Variants in MAPK10 observed in about 807,000 individuals in gnomAD.
The protein encoded by MAPK10 is JNK3 alpha protein kinase.
Under a neutral mutation model 59.3 loss-of-function variants are expected in MAPK10, and 25 were observed. The observed-to-expected ratio is 0.42, with a 90% confidence interval of 0.31 to 0.59. The LOEUF (loss-of-function observed/expected upper bound fraction) is 0.59. Ranked by LOEUF, MAPK10 falls within the 20% of genes least tolerant of loss-of-function variation. MAPK10 has a pLI of 0.15. For missense variants in MAPK10, 351 were observed against 568.9 expected, an observed-to-expected ratio of 0.62 and a Z score of 3.90; for synonymous variants, 190 against 200.5, an observed-to-expected ratio of 0.95 and a Z score of 0.44.
At chr4:86,558,131 T>C (rs1236926715) in intron 1 of MAPK10, among the ~76,000 whole-genome samples, 2 of 152,166 alleles carry the variant, frequency 1.3e-5, no homozygotes, top group East Asian at 1.9e-4. Flanking sequence ...TAACTGGCCA[T>C]AATTTTAATT....
intron 1 of MAPK10, among the ~76,000 whole-genome samples, chr4:86,540,760 C>A (rs1272981078): frequency 7.1e-6 from 1 of 141,608 alleles, no homozygotes; most frequent in African/African-American, 2.5e-5. Flanking sequence ...TAGGAAAAGT[C>A]CCTGAGGGGA....
intron 1 of MAPK10, among the ~76,000 whole-genome samples, chr4:86,503,152 C>T (rs923509412): frequency 1.9e-4 from 29 of 152,134 alleles, no homozygotes; most frequent in African/African-American, 6.3e-4. Flanking sequence ...CAAACAAACT[C>T]ATTCTGTTCC....
chr4:86,541,214 CAT>C (rs1758670297), intron 1 of MAPK10, among the ~76,000 whole-genome samples: 1 of 152,124 alleles, frequency 6.6e-6, no homozygotes, highest in African/African-American at 2.4e-5. Context: ...GCAGGGGAGA[CAT>C]AGCAGAGAAT....
chr4:86,553,032 C>T (rs918883120), intron 1 of MAPK10, among the ~76,000 whole-genome samples: 3 of 152,070 alleles, frequency 2.0e-5, no homozygotes, highest in Admixed American at 1.3e-4. Flanking sequence ...TGTCTTCTGC[C>T]GGCATCCATA....
At chr4:86,240,793 A>G (rs1288052960) in intron 2 of MAPK10, among the ~76,000 whole-genome samples, 2 of 152,120 alleles carry the variant, frequency 1.3e-5, no homozygotes, top group South Asian at 4.1e-4. Flanking sequence ...TCCTCATCCA[A>G]TTTGCCAGTC....
At chr4:86,378,403 G>A (rs1279403278) in intron 1 of MAPK10, among the ~76,000 whole-genome samples, 1 of 152,096 alleles carries the variant, frequency 6.6e-6, no homozygotes, top group Non-Finnish European at 1.5e-5. Flanking sequence ...CTCTGGAGAG[G>A]ACTTTTTGAC....
intron 2 of MAPK10, among the ~76,000 whole-genome samples, chr4:86,305,109 C>A (rs544220848): frequency 6.6e-6 from 1 of 152,086 alleles, no homozygotes; most frequent in Non-Finnish European, 1.5e-5. Flanking sequence ...GTATTATGCA[C>A]CTATATTATA....
chr4:86,017,663 C>T lies in MAPK10; in HGVS notation c.1253-293G>A, dbSNP rs1743981024. Among the ~76,000 whole-genome samples the T allele has an allele frequency of 6.6e-6, 1 of 152,228 alleles. No individual in the cohort carries two copies. Among genetic ancestry groups the T allele is most frequent in the Non-Finnish European group, 1.5e-5 (1 of 68,046 alleles). ...CTGGTCACATTGCCTCCCCTGCCCC[C>T]ACTGCACTGCATATATTTTAATATA... On this transcript the variant is annotated intron_variant, in intron 13 of 13. Transcript: ENST00000641462. The surrounding 1 kb of genome is among the most constrained non-coding windows in gnomAD (Gnocchi z 4.4).
chr4:86,359,263 CCT>C (rs367595812), intron 1 of MAPK10, among the ~76,000 whole-genome samples: 4,451 of 53,432 alleles, frequency 0.083, 378 homozygotes, highest in African/African-American at 0.18. Flanking sequence ...TTTTTTTTTT[CCT>C]CTCTCTCTCT....
Position 86,013,997 on chromosome 4 carries a change from T to C in MAPK10, c.*3231A>G, listed in dbSNP as rs1292644735. 6.6e-6 allele frequency: 1 copy of C among 152,206 alleles called. No homozygotes were observed. Among genetic ancestry groups the C allele is most frequent in the Non-Finnish European group, 1.5e-5 (1 of 68,036 alleles). 9.4% of individuals were successfully genotyped at this position (152,206 alleles called of 1,614,324 possible). A position where few individuals can be genotyped will look rare whatever the true frequency, so the allele number is the denominator to read the frequency against. On this transcript the variant is annotated 3_prime_UTR_variant, in exon 14 of 14. Transcript: ENST00000641462. ...TAGTAAAGACATATTAATAGTAAAG[T>C]GGTGGCGGTTTTGCCAAACTCTTGC...
chr4:86,112,740 A>G (rs1354974823), intron 4 of MAPK10, among the ~76,000 whole-genome samples: 2 of 152,160 alleles, frequency 1.3e-5, no homozygotes, highest in Admixed American at 6.5e-5. Context: ...CACTTGATCC[A>G]GAGCTGAGTT....
chr4:86,088,080 G>C (rs574003734), intron 9 of MAPK10, among the ~76,000 whole-genome samples: 4 of 152,210 alleles, frequency 2.6e-5, no homozygotes, highest in Admixed American at 2.0e-4. Context: ...AGTGTAGAGG[G>C]ATATTTAACA....
At chr4:86,256,976 T>A (rs1319508647) in intron 2 of MAPK10, among the ~76,000 whole-genome samples, 1 of 128,336 alleles carries the variant, frequency 7.8e-6, no homozygotes, top group South Asian at 2.2e-4. Flanking sequence ...ATGGTCTCGA[T>A]CTTAACCTCA....
intron 13 of MAPK10, among the ~76,000 whole-genome samples, chr4:86,018,922 G>A (rs1037028800): frequency 6.6e-6 from 1 of 152,200 alleles, no homozygotes; most frequent in Non-Finnish European, 1.5e-5. Context: ...CTAAATTAAG[G>A]AAGGGGAGTG....
intron 1 of MAPK10, among the ~76,000 whole-genome samples, chr4:86,531,231 T>A (rs551604690): frequency 6.6e-6 from 1 of 152,332 alleles, no homozygotes; most frequent in East Asian, 1.9e-4. Context: ...AATCAGTCTT[T>A]GCCTAAGCAA....
intron 4 of MAPK10, among the ~76,000 whole-genome samples, chr4:86,128,399 A>C (rs1349131424): frequency 6.6e-6 from 1 of 152,058 alleles, no homozygotes; most frequent in African/African-American, 2.4e-5. Flanking sequence ...CGGTTTCCCC[A>C]TCCTGTTCTC....
At chr4:86,350,561 C>T (rs1366172339) in intron 2 of MAPK10, among the ~76,000 whole-genome samples, 5 of 152,050 alleles carry the variant, frequency 3.3e-5, no homozygotes, top group Non-Finnish European at 7.4e-5. Context: ...GTTGGCCAGG[C>T]TGGTCTCAAA....
At chr4:86,307,632 G>T (rs991010270) in intron 2 of MAPK10, among the ~76,000 whole-genome samples, 2 of 152,128 alleles carry the variant, frequency 1.3e-5, no homozygotes, top group African/African-American at 4.8e-5. Context: ...AGCTTTAAAA[G>T]AATGCAAAGA....
intron 3 of MAPK10, among the ~76,000 whole-genome samples, chr4:86,168,195 T>A (rs2072549796): frequency 6.6e-6 from 1 of 152,020 alleles, no homozygotes; most frequent in South Asian, 2.1e-4. Flanking sequence ...CACTAGGGAG[T>A]GCCAGACAGT....
Sources: gnomAD v4.1 joint callset for allele counts (sites outside exome capture counted in the v4.1 genomes callset) on GRCh38, gnomAD v4.1.1 for gene constraint, Gnocchi (gnomAD v3.1) non-coding constraint, MANE v1.5 for transcripts, NCBI Gene and HGNC (gene_info 2026-07-23, HGNC 2026-07-21) for gene names.